Variants in ITGB2 observed in about 807,000 individuals in gnomAD.
ITGB2 encodes the protein integrin beta-2.
Under a neutral mutation model 86.8 loss-of-function variants are expected in ITGB2, and 56 were observed. That is an observed-to-expected ratio of 0.65 (90% CI 0.52 to 0.81). The LOEUF (loss-of-function observed/expected upper bound fraction) is 0.81. Among genes scored for constraint, ITGB2 ranks in the 30% least tolerant of loss-of-function variants. ITGB2 has a pLI of 0.00. For missense variants in ITGB2, 948 were observed against 1,061.2 expected (o/e 0.89, Z 1.48); for synonymous variants, 457 against 450.4 (o/e 1.01, Z -0.19).
In ITGB2 at chr21:44,891,901, C is replaced by A; in HGVS notation, c.1320G>T (p.Gln440His). The A allele has an allele frequency of 1.2e-6, 2 of 1,613,268 alleles. No homozygotes were observed. Among genetic ancestry groups the A allele is most frequent in the South Asian group, 1.1e-5 (1 of 91,090 alleles). ...ALGFTDIVTV[Q>H]VLPQCECRCR... ...ACCGGCACTCACACTGGGGAAGAAC[C>A]TGCACGGTCACTATGTCCGTGAAGC... Residue 440 changes from glutamine (Q) to histidine (H), a missense_variant, in exon 11 of 16, where the codon CAG becomes CAT. By Grantham distance (24) the Gln-to-His change is conservative. Coordinates refer to ENST00000652462, the MANE Select transcript of ITGB2 (RefSeq NM_000211.5).
chr21:44,893,005 C>T, intron 10 of ITGB2: 2 of 248,730 alleles, frequency 8.0e-6, no homozygotes, highest in African/African-American at 3.1e-5. Flanking sequence ...CTGCAGTGGC[C>T]TGACCCAGGG....
chr21:44,904,411 CA>C (rs1263774395), intron 4 of ITGB2, among the ~76,000 whole-genome samples: 1 of 151,856 alleles, frequency 6.6e-6, no homozygotes, highest in African/African-American at 2.4e-5. Context: ...AAATATAACT[CA>C]TGCACACACA....
chr21:44,923,653 CG>C (rs2084336649), upstream of ITGB2, among the ~76,000 whole-genome samples: 1 of 152,084 alleles, frequency 6.6e-6, no homozygotes, highest in South Asian at 2.1e-4. Flanking sequence ...TATTATTTCG[CG>C]GGTATAAAGT....
chr21:44,911,102 G>A (rs961309996), intron 1 of ITGB2: 25 of 480,736 alleles, frequency 5.2e-5, no homozygotes, highest in Middle Eastern at 5.9e-4. Flanking sequence ...ACACATGCAC[G>A]TGTACGTGCA....
intron 3 of ITGB2, 107 bp from the exon 4 acceptor site, chr21:44,907,202 G>T: frequency 1.2e-6 from 1 of 812,100 alleles, no homozygotes; most frequent in Non-Finnish European, 1.9e-6. Context: ...CCTCCTCTGC[G>T]CCTGGAATTT....
intron 1 of ITGB2, among the ~76,000 whole-genome samples, chr21:44,916,730 T>C (rs7281925): frequency 0.39 from 59,764 of 151,496 alleles, 12,118 homozygotes; most frequent in African/African-American, 0.49. Flanking sequence ...TAGCTGGGCT[T>C]GGTGGCGGGC....
Position 44,886,350 on chromosome 21 carries a change from T to G in ITGB2, c.*18A>C. On this transcript the variant is annotated 3_prime_UTR_variant, in exon 16 of 16. Transcript: ENST00000652462. ...CAGACATGGTGGGTCCTGACGGCCTTGTCTTCACCAAGTGCTCCTAACTCT... is the reference window on the plus strand; with the variant it reads ...CAGACATGGTGGGTCCTGACGGCCTGGTCTTCACCAAGTGCTCCTAACTCT... 6.2e-7 allele frequency: 1 copy of G among 1,613,186 alleles called. No individual in the cohort carries two copies. Among genetic ancestry groups the G allele is most frequent in the African/African-American group, 1.3e-5 (1 of 75,030 alleles).
chr21:44,902,997 T>G (rs1363580959), intron 5 of ITGB2, among the ~76,000 whole-genome samples: 1 of 152,196 alleles, frequency 6.6e-6, no homozygotes, highest in East Asian at 1.9e-4. Flanking sequence ...CAGAGCTTGC[T>G]GTGTGGTTTC....
At chr21:44,889,930 G>C (rs1289929705) in intron 12 of ITGB2, 48 bp downstream of exon 12, 2 of 1,609,674 alleles carry the variant, frequency 1.2e-6, no homozygotes, top group Non-Finnish European at 1.7e-6. Context: ...CCAACACCAA[G>C]TCTGTGCCGC....
rs371168606 is a variant in ITGB2 at position 44,897,445 on chromosome 21, G to A, written c.993+1622C>T. Among the ~76,000 whole-genome samples the A allele has an allele frequency of 7.9e-4, 121 of 152,322 alleles. No homozygotes were observed. In the South Asian group the frequency reaches 0.011, roughly 13 times the overall value. On this transcript the variant is annotated intron_variant, in intron 8 of 15. Coordinates refer to ENST00000652462, the MANE Select transcript of ITGB2 (RefSeq NM_000211.5). ...TGCGTGCCATTTTGAAGAAGATGGC[G>A]GTGATGGCCCTGGAATGGCCAGCAG...
At chr21:44,899,014 G>C in intron 8 of ITGB2, 53 bp downstream of exon 8, 1 of 1,425,228 alleles carries the variant, frequency 7.0e-7, no homozygotes, top group South Asian at 1.2e-5. Flanking sequence ...GGTCTGGCCT[G>C]TGGCTGAAAC....
chr21:44,900,050 G>C lies in ITGB2; in HGVS notation c.897+270C>G, dbSNP rs12627407. Reference sequence around the variant, plus strand: ...CACAGCAGCTGTCAGCCCAGGTAGGGGGGCAGTGGGGCTGGAGACCAACAG... The same window carrying C: ...CACAGCAGCTGTCAGCCCAGGTAGGCGGGCAGTGGGGCTGGAGACCAACAG... On this transcript the variant is annotated intron_variant, in intron 7 of 15. Coordinates refer to ENST00000652462, the MANE Select transcript of ITGB2 (RefSeq NM_000211.5). 0.34 allele frequency among the ~76,000 whole-genome samples: 52,002 copies of C among 152,116 alleles called. 9,194 individuals carry two copies. Among genetic ancestry groups the C allele is most frequent in the South Asian group, 0.47 (2,291 of 4,832 alleles).
At position 44,886,247 on chromosome 21, in the gene ITGB2, G is replaced by A. The variant is rs375146934; in HGVS notation, c.*121C>T. The A allele has an allele frequency of 3.5e-3, 3,540 of 1,025,512 alleles. 114 individuals carry two copies. In the South Asian group the frequency reaches 0.042, roughly 12 times the overall value. 63.5% of individuals were successfully genotyped at this position (1,025,512 alleles called of 1,614,324 possible). On this transcript the variant is annotated 3_prime_UTR_variant, in exon 16 of 16. Transcript: ENST00000652462. ...CGGCCATGGCTGTCATTTTGAGGGC[G>A]GAAAATAACTGGATTTCTGGTTAAT... is the stretch of plus-strand genomic sequence containing the variant.
intron 12 of ITGB2, 132 bp from the exon 13 acceptor site, chr21:44,889,627 A>C (rs1490345323): frequency 1.1e-6 from 1 of 928,056 alleles, no homozygotes; most frequent in South Asian, 1.4e-5. Context: ...AGCAAAAGGC[A>C]TGGGGCCACT....
chr21:44,914,197 G>C (rs2084171050), intron 1 of ITGB2: 1 of 152,460 alleles, frequency 6.6e-6, no homozygotes, highest in African/African-American at 2.4e-5. Flanking sequence ...CCCTTACCAA[G>C]ACCTAAGGTG....
intron 2 of ITGB2, 112 bp downstream of exon 2, chr21:44,910,613 G>A (rs751263942): frequency 1.8e-5 from 26 of 1,424,594 alleles, no homozygotes; most frequent in Non-Finnish European, 2.3e-5. Context: ...CAGTGGCAAG[G>A]TCCTTCCCCA....
intron 3 of ITGB2, among the ~76,000 whole-genome samples, chr21:44,907,775 T>G (rs918797859): frequency 4.6e-5 from 7 of 152,080 alleles, no homozygotes; most frequent in African/African-American, 1.7e-4. Flanking sequence ...CTCAGGAGGA[T>G]AAGCCCGGCC....
At chr21:44,900,581 G>C (rs2146524668) in intron 6 of ITGB2, 106 bp from the exon 7 acceptor site, 1 of 1,406,354 alleles carries the variant, frequency 7.1e-7, no homozygotes, top group Middle Eastern at 2.5e-4. Flanking sequence ...CCGGAGGCTG[G>C]TGTGGGTCCC....
intron 14 of ITGB2, 77 bp from the exon 15 acceptor site, chr21:44,886,979 C>G: frequency 1.3e-6 from 2 of 1,555,772 alleles, no homozygotes; most frequent in Non-Finnish European, 1.8e-6. Flanking sequence ...TCCGAGGTCA[C>G]CCCACAACAC....
Sources: allele counts gnomAD v4.1 joint callset (sites outside exome capture counted in the v4.1 genomes callset), GRCh38; gene constraint gnomAD v4.1.1; transcripts MANE v1.5; gene names NCBI Gene and HGNC (gene_info 2026-07-23, HGNC 2026-07-21).